Variants in DCXR observed in about 807,000 individuals in gnomAD.
DCXR encodes the protein L-xylulose reductase.
DCXR carries 24 observed loss-of-function variants against 25.9 expected under a neutral mutation model. The observed-to-expected ratio is 0.93, with a 90% confidence interval of 0.67 to 1.30. DCXR has a LOEUF of 1.30. Among genes scored for constraint, DCXR ranks in the 50% most tolerant of loss-of-function variants. DCXR has a pLI of 0.00. For synonymous variants in DCXR, 161 were observed against 141.7 expected (o/e 1.14, Z -0.97); for missense variants, 348 against 333.7 (o/e 1.04, Z -0.33).
rs747887427 is a variant in DCXR, at chr17:82,036,238, TG to T, written c.583del (p.His195ThrfsTer7). 861 of 1,613,508 alleles carry T rather than the reference TG, an allele frequency of 5.3e-4. 6 individuals carry two copies. Among genetic ancestry groups the T allele is most frequent in the South Asian group, 1.2e-4 (11 of 91,080 alleles). On this transcript the variant is annotated frameshift_variant, in exon 7 of 8. Transcript: ENST00000306869. LOFTEE classifies it high-confidence loss of function. ...TCGGTTCAGCATAGTCTTGGCCTTG[TG>T]GGGGTCACTCCAGGTGGCCTGGCCC... ...SMGQATWSDP[H>X]KAKTMLNRIP...
At chr17:82,036,796 T>A (rs376145969) in intron 3 of DCXR, 33 bp from the exon 4 acceptor site, 15 of 1,613,316 alleles carry the variant, frequency 9.3e-6, no homozygotes, top group Middle Eastern at 1.6e-4. Context: ...TGGTCAGAGA[T>A]TAGGGCTGCT....
In DCXR at chr17:82,036,080, G is replaced by C. The variant is rs2043487703; in HGVS notation, c.632-17C>G. 1 of 1,611,552 alleles carries C rather than the reference G, an allele frequency of 6.2e-7. No homozygotes were observed. The highest frequency in any genetic ancestry group is 8.5e-7 in the Non-Finnish European group (1 of 1,178,638). On this transcript the variant is annotated splice_polypyrimidine_tract_variant and intron_variant, in intron 7 of 7. Coordinates refer to ENST00000306869, the MANE Select transcript of DCXR (RefSeq NM_016286.4). ...GCTCTACCTCTGTGGGCAGGGCGGG[G>C]GTCAGGGGCATAGAGGAAGGAGGCT...
chr17:82,037,320 C>T (rs1177995441), intron 2 of DCXR, 130 bp downstream of exon 2: 3 of 1,089,786 alleles, frequency 2.8e-6, no homozygotes, highest in African/African-American at 3.4e-5. Flanking sequence ...GGTGCGCGGG[C>T]GCCCAGGCCG....
chr17:82,037,127 G>T (rs982375804), intron 2 of DCXR, 114 bp from the exon 3 acceptor site: 4 of 1,378,164 alleles, frequency 2.9e-6, no homozygotes, highest in Non-Finnish European at 3.0e-6. Flanking sequence ...GAGTTCCGAA[G>T]GTGTCGGGAC....
intron 2 of DCXR, 93 bp from the exon 3 acceptor site, chr17:82,037,106 A>G: frequency 6.7e-7 from 1 of 1,497,340 alleles, no homozygotes; most frequent in South Asian, 1.2e-5. Flanking sequence ...CCGGACAAGT[A>G]AAGGAGTTAG....
chr17:82,036,436 C>A lies in DCXR; in HGVS notation c.461G>T (p.Gly154Val). The A allele has an allele frequency of 1.2e-6, 2 of 1,613,532 alleles. No individual in the cohort carries two copies. The highest frequency in any genetic ancestry group is 1.7e-6 in the Non-Finnish European group (2 of 1,180,006). ...CACCTTGGTCAGCATGTCCAGGGCA[C>A]CCTTGGTGGAGCCTACGAAGAGGAA... is the stretch of plus-strand genomic sequence containing the variant. ...TNHSVYCSTK[G>V]ALDMLTKVMA... The change falls in exon 6 of 8, where the codon GGT becomes GTT. Residue 154 changes from glycine to valine, a missense_variant. By Grantham distance (109) the Gly-to-Val change is moderately radical. Transcript: ENST00000306869.
Position 82,037,674 on chromosome 17 carries a change from C to G in DCXR, c.9G>C (p.Leu3=), listed in dbSNP as rs1479247754. The G allele has an allele frequency of 1.3e-6, 2 of 1,591,544 alleles. No individual in the cohort carries two copies. The highest frequency in any genetic ancestry group is 1.3e-5 in the African/African-American group (1 of 74,902). ME[L]FLAGRRVLVT... is the part of the protein sequence containing the mutation. ...CCAGCACCCGGCGGCCCGCGAGGAA[C>G]AGCTCCATGTCGGCGCAGTCTCCGC... The change falls in exon 1 of 8, where the codon CTG becomes CTC. Residue 3 remains leucine, a synonymous_variant. Transcript: ENST00000306869.
chr17:82,035,966 G>A lies in DCXR; in HGVS notation c.729C>T (p.Ala243=). ...STLPVEGGFW[A]C ...TGAGGTGTGTGGAGGGAGCTCAGCAGGCCCAGAAGCCCCCTTCCACCGGCA... is the reference window on the plus strand; with the variant it reads ...TGAGGTGTGTGGAGGGAGCTCAGCAAGCCCAGAAGCCCCCTTCCACCGGCA... The change falls in exon 8 of 8, where the codon GCC becomes GCT. Residue 243 remains alanine, a synonymous_variant. Coordinates refer to ENST00000306869, the MANE Select transcript of DCXR (RefSeq NM_016286.4). The A allele has an allele frequency of 6.2e-7, 1 of 1,612,680 alleles. No individual in the cohort carries two copies. Among genetic ancestry groups the A allele is most frequent in the African/African-American group, 1.3e-5 (1 of 75,048 alleles).
At chr17:82,036,683 C>T (rs765510515) in intron 4 of DCXR, 38 bp downstream of exon 4, 2 of 1,613,548 alleles carry the variant, frequency 1.2e-6, no homozygotes, top group African/African-American at 1.3e-5. Context: ...GCTGGCATCA[C>T]TCACGAGAAT....
chr17:82,036,127 C>T (rs1157010134), intron 7 of DCXR, 64 bp from the exon 8 acceptor site: 1 of 1,606,722 alleles, frequency 6.2e-7, no homozygotes, highest in Non-Finnish European at 8.5e-7. Flanking sequence ...TTCCCTCCCA[C>T]CCCTACCCAG....
Position 82,037,534 on chromosome 17 carries a change from G to A in DCXR, c.66C>T (p.Gly22=), listed in dbSNP as rs1378873035. ...CCGTCGCGTGCAGCGCCTGGACCGTGCCGCGCCCTATACCTGCCGGGAGCG... is the reference window on the plus strand; with the variant it reads ...CCGTCGCGTGCAGCGCCTGGACCGTACCGCGCCCTATACCTGCCGGGAGCG... ...VTGAGKGIGR[G]TVQALHATGA... Residue 22 remains glycine, a synonymous_variant, in exon 2 of 8, where the codon GGC becomes GGT. Transcript: ENST00000306869. 6.5e-7 allele frequency: 1 copy of A among 1,545,014 alleles called. No homozygotes were observed. Among genetic ancestry groups the A allele is most frequent in the Non-Finnish European group, 8.7e-7 (1 of 1,151,758 alleles).
Position 82,036,850 on chromosome 17 carries a change from CAGGCTCACCTGTCAA to C in DCXR, c.299_305+8del, listed in dbSNP as rs751574840. On this transcript the variant is annotated splice_donor_variant and splice_donor_5th_base_variant and coding_sequence_variant and intron_variant, in exon 3 of 8. Coordinates refer to ENST00000306869, the MANE Select transcript of DCXR (RefSeq NM_016286.4). LOFTEE classifies it high-confidence loss of function. The stretch of plus-strand genomic sequence containing the variant: ...CCTCCCTGAGGTTCCTCCGCCCTCA[CAGGCTCACCTGTCAA>C]AGGCCTCCTTGGTGACCTCCAGGAA... 2 of 1,613,438 alleles carry C rather than the reference CAGGCTCACCTGTCAA, an allele frequency of 1.2e-6. No homozygotes were observed. The highest frequency in any genetic ancestry group is 3.3e-5 in the Admixed American group (2 of 60,026).
At chr17:82,037,258 G>T in intron 2 of DCXR, 192 bp downstream of exon 2, 2 of 861,626 alleles carry the variant, frequency 2.3e-6, no homozygotes, top group African/African-American at 3.4e-5. Context: ...GGGGGCCCCG[G>T]CGGCTCTGCC....
At chr17:82,036,696 C>T in intron 4 of DCXR, 25 bp downstream of exon 4, 1 of 1,613,628 alleles carries the variant, frequency 6.2e-7, no homozygotes, top group Non-Finnish European at 8.5e-7. Flanking sequence ...ACGAGAATTC[C>T]CGTCCAGCCC....
At position 82,037,538 on chromosome 17, in the gene DCXR, C is replaced by G; in HGVS notation, c.62G>C (p.Arg21Pro). Residue 21 changes from arginine (R) to proline (P), a missense_variant, in exon 2 of 8, where the codon CGC becomes CCC. Transcript: ENST00000306869. ...CGCGTGCAGCGCCTGGACCGTGCCG[C>G]GCCCTATACCTGCCGGGAGCGGGCT... ...LVTGAGKGIG[R>P]GTVQALHATG... is the part of the protein sequence containing the mutation. 6.5e-7 allele frequency: 1 copy of G among 1,544,612 alleles called. No homozygotes were observed. Among genetic ancestry groups the G allele is most frequent in the Non-Finnish European group, 8.7e-7 (1 of 1,151,456 alleles).
rs763022554 is a variant in DCXR at position 82,036,723 on chromosome 17, G to GCGA, written c.343_345dup (p.Ser115dup). Reference sequence around the variant, plus strand: ...GTCCAGCCCACAGGGCAGCTCACCTGCGACACCTGGATGACCGCACGCAGG... The same window carrying GCGA: ...GTCCAGCCCACAGGGCAGCTCACCTGCGACGACACCTGGATGACCGCACGCAGG... On this transcript the variant is annotated inframe_insertion, in exon 4 of 8. Coordinates refer to ENST00000306869, the MANE Select transcript of DCXR (RefSeq NM_016286.4). 6 of 1,613,514 alleles carry GCGA rather than the reference G, an allele frequency of 3.7e-6. No individual in the cohort carries two copies. The highest frequency in any genetic ancestry group is 5.1e-6 in the Non-Finnish European group (6 of 1,180,024).
intron 2 of DCXR, chr17:82,037,229 T>C (rs893493371): frequency 3.6e-6 from 3 of 831,436 alleles, no homozygotes; most frequent in Non-Finnish European, 5.5e-6. Flanking sequence ...CGCAGCCATT[T>C]CGGCCTCTTT....
chr17:82,036,398 G>A lies in DCXR; in HGVS notation c.499C>T (p.Leu167Phe). The A allele has an allele frequency of 6.2e-7, 1 of 1,613,410 alleles. No homozygotes were observed. The highest frequency in any genetic ancestry group is 8.5e-7 in the Non-Finnish European group (1 of 1,179,992). Residue 167 changes from leucine to phenylalanine, a missense_variant, in exon 6 of 8, where the codon CTC (leucine) becomes TTC (phenylalanine). Leu to Phe is a conservative substitution (Grantham distance 22, BLOSUM62 0). Coordinates refer to ENST00000306869, the MANE Select transcript of DCXR (RefSeq NM_016286.4). ...GCCCTGCTCACCTTGTGGGGCCCGA[G>A]CTCTAGGGCCATCACCTTGGTCAGC... Reference protein sequence around the residue: ...DMLTKVMALELGPHKIRVNAV... With the variant: ...DMLTKVMALEFGPHKIRVNAV...
chr17:82,036,507 GC>G, intron 5 of DCXR, 36 bp downstream of exon 5: 1 of 1,612,616 alleles, frequency 6.2e-7, no homozygotes, highest in South Asian at 1.1e-5. Flanking sequence ...CGAGGCTGGG[GC>G]TGGGGTGGGG....
Sources: allele counts gnomAD v4.1 joint callset, GRCh38; gene constraint gnomAD v4.1.1; transcripts MANE v1.5; gene names NCBI Gene and HGNC (gene_info 2026-07-23, HGNC 2026-07-21).